Variants in TNRC18 observed in about 807,000 individuals in gnomAD.
TNRC18 encodes the protein trinucleotide repeat containing 18.
In TNRC18, 69 loss-of-function variants were observed where a neutral mutation model predicts 226.7. The ratio of observed to expected loss-of-function variants is 0.30; its 90% CI spans 0.25 to 0.37. The LOEUF (loss-of-function observed/expected upper bound fraction) is 0.37, where lower values mean the gene tolerates loss of function less well. TNRC18 is among the 10% of genes least tolerant of loss of function. TNRC18 has a pLI of 1.00. For synonymous variants in TNRC18, 2,449 were observed against 1,927.6 expected (o/e 1.27, Z -7.09); for missense variants, 4,754 against 4,256.6 (o/e 1.12, Z -3.25).
In TNRC18 at chr7:5,324,745, G is replaced by A. The variant is rs558043945; in HGVS notation, c.6300+351C>T. 2.6e-5 allele frequency among the ~76,000 whole-genome samples: 4 copies of A among 152,304 alleles called. No individual in the cohort carries two copies. The highest frequency in any genetic ancestry group is 2.1e-4 in the South Asian group (1 of 4,826). On this transcript the variant is annotated intron_variant, in intron 20 of 29. Transcript: ENST00000430969. The surrounding 1 kb of genome is among the most constrained non-coding windows in gnomAD (Gnocchi z 4.8). ...ACCACTCGGGCAGGGGCTAGCAGGT[G>A]TGGGGAGTGGACATGCCATCATCTG...
chr7:5,345,464 C>A, intron 18 of TNRC18, 98 bp downstream of exon 18: 1 of 1,229,354 alleles, frequency 8.1e-7, no homozygotes, highest in Non-Finnish European at 1.1e-6. Context: ...CAGCTCTGCA[C>A]CTGCATCTCT....
At chr7:5,391,381 G>A (rs145911678) in intron 3 of TNRC18, among the ~76,000 whole-genome samples, 26,430 of 151,416 alleles carry the variant, frequency 0.17, 3,870 homozygotes, top group African/African-American at 0.4. Context: ...GCAGGATCTC[G>A]GTTCACTGCA....
chr7:5,361,274 GC>G (rs1793012822), intron 14 of TNRC18, among the ~76,000 whole-genome samples: 1 of 152,216 alleles, frequency 6.6e-6, no homozygotes, highest in South Asian at 2.1e-4. Context: ...GGGTCCTTCC[GC>G]AGGGAGGAGG....
chr7:5,385,420 G>A (rs1207530838), intron 5 of TNRC18, among the ~76,000 whole-genome samples: 5 of 150,478 alleles, frequency 3.3e-5, no homozygotes, highest in Non-Finnish European at 5.9e-5. Context: ...CCCGGGAAGC[G>A]GAGCTTGCAG....
chr7:5,344,469 G>A (rs1401183582), intron 18 of TNRC18, among the ~76,000 whole-genome samples: 3 of 152,144 alleles, frequency 2.0e-5, no homozygotes, highest in Non-Finnish European at 4.4e-5. Context: ...GCATGAGAGC[G>A]AGGAGGGGGA....
intron 2 of TNRC18, among the ~76,000 whole-genome samples, chr7:5,402,986 C>T (rs1042286003): frequency 6.6e-6 from 1 of 152,000 alleles, no homozygotes; most frequent in African/African-American, 2.4e-5. Flanking sequence ...CTCCTGTCAA[C>T]GGGGAGAGGG....
rs1028454910 is a variant in TNRC18 at position 5,421,140 on chromosome 7, C to T, written c.107G>A (p.Gly36Glu). 7.0e-7 allele frequency: 1 copy of T among 1,436,040 alleles called. No individual in the cohort carries two copies. Among genetic ancestry groups the T allele is most frequent in the Admixed American group, 2.8e-5 (1 of 35,330 alleles). The allele number at this position is 1,436,040 out of a possible 1,614,324, so 89.0% of individuals were successfully genotyped here. Residue 36 changes from glycine to glutamate, a missense_variant, in exon 2 of 30, where the codon GGA becomes GAA. Transcript: ENST00000430969. ...GGGCAAGCCCGAGGCGGGCAAGCGT[C>T]CGGCAGTGGCCGCGCCCACGCGGTG... Reference protein sequence around the residue: ...DSHRVGAATAGRLPASGLPGP... With the variant: ...DSHRVGAATAERLPASGLPGP...
chr7:5,377,115 C>T lies in TNRC18; in HGVS notation c.2462-122G>A. 1.4e-6 allele frequency: 2 copies of T among 1,398,338 alleles called. No individual in the cohort carries two copies. The highest frequency in any genetic ancestry group is 1.9e-6 in the Non-Finnish European group (2 of 1,039,750). 86.6% of individuals were successfully genotyped at this position (1,398,338 alleles called of 1,614,324 possible). ...CCTCCTGGGGCCTCCAGTGGGGAAG[C>T]CAAGGGACAGGGGTGCTGGCTGGCT... On this transcript the variant is annotated intron_variant, in intron 7 of 29. Coordinates refer to ENST00000430969, the MANE Select transcript of TNRC18 (RefSeq NM_001080495.3). The surrounding 1 kb of genome is among the most constrained non-coding windows in gnomAD (Gnocchi z 5.8).
intron 18 of TNRC18, 46 bp downstream of exon 18, chr7:5,345,516 C>CGGGGGGGGTG: frequency 2.8e-6 from 1 of 354,368 alleles, no homozygotes; most frequent in Non-Finnish European, 5.2e-6. Context: ...CAATGGCGTC[C>CGGGGGGGGTG]GCCCCTCCCA....
rs1436888054 is a variant in TNRC18, at chr7:5,376,918, G to A, written c.2537C>T (p.Ala846Val). Residue 846 changes from alanine (A) to valine (V), a missense_variant, in exon 8 of 30, where the codon GCC (alanine) becomes GTC (valine). Ala to Val is a moderately conservative substitution (Grantham distance 64). Transcript: ENST00000430969. The stretch of plus-strand genomic sequence containing the variant: ...TTGGGGGTCCCTGACAAACTGGTAG[G>A]CTGACGGGAGGGAGCCCCCCAGGCC... ...PPGLGGSLPSAYQFVRDPQSG... is the reference protein window; with the variant it reads ...PPGLGGSLPSVYQFVRDPQSG... The A allele has an allele frequency of 1.2e-6, 2 of 1,605,506 alleles. No homozygotes were observed. Among genetic ancestry groups the A allele is most frequent in the Non-Finnish European group, 8.5e-7 (1 of 1,176,178 alleles).
intron 17 of TNRC18, among the ~76,000 whole-genome samples, chr7:5,351,498 G>A (rs1489104129): frequency 6.6e-6 from 1 of 151,264 alleles, no homozygotes; most frequent in Non-Finnish European, 1.5e-5. Context: ...GGGGGAACTC[G>A]GGGGAGGGGG....
intron 9 of TNRC18, among the ~76,000 whole-genome samples, chr7:5,375,569 G>T (rs61302714): frequency 6.6e-6 from 1 of 152,128 alleles, no homozygotes; most frequent in Non-Finnish European, 1.5e-5. Context: ...TACCTGGGCC[G>T]ACTCCTCCAG....
At chr7:5,401,741 G>A (rs375805757) in intron 2 of TNRC18, among the ~76,000 whole-genome samples, 1 of 152,212 alleles carries the variant, frequency 6.6e-6, no homozygotes, top group African/African-American at 2.4e-5. Context: ...GGTATGCTAC[G>A]AGTTATTTTT....
Position 5,423,634 on chromosome 7 carries a change from C to T in TNRC18, c.-437G>A, listed in dbSNP as rs889689511. 7 of 151,710 alleles carry T rather than the reference C, an allele frequency of 4.6e-5. No individual in the cohort carries two copies. The highest frequency in any genetic ancestry group is 1.7e-4 in the African/African-American group (7 of 41,318). The allele number at this position is 151,710 out of a possible 1,614,324, so 9.4% of individuals were successfully genotyped here. On this transcript the variant is annotated 5_prime_UTR_variant, in exon 1 of 30. Coordinates refer to ENST00000430969, the MANE Select transcript of TNRC18 (RefSeq NM_001080495.3). ...AGAAAACCGCTCCCCGGGCCGAGCG[C>T]TCGGCGCGCCAACTCCTCCGCCCTC...
intron 18 of TNRC18, among the ~76,000 whole-genome samples, chr7:5,333,795 A>G (rs1186426802): frequency 6.6e-6 from 1 of 152,156 alleles, no homozygotes; most frequent in East Asian, 1.9e-4. Flanking sequence ...AGTCCTTCAG[A>G]AGGAGACCCA....
rs756465468 is a variant in TNRC18, at chr7:5,377,958, C to T, written c.2219G>A (p.Gly740Glu). 6 of 1,613,662 alleles carry T rather than the reference C, an allele frequency of 3.7e-6. No individual in the cohort carries two copies. The highest frequency in any genetic ancestry group is 5.1e-6 in the Non-Finnish European group (6 of 1,179,828). Residue 740 changes from glycine to glutamate, a missense_variant, in exon 6 of 30, where the codon GGG becomes GAG. Transcript: ENST00000430969. The surrounding 1 kb of genome is among the most constrained non-coding windows in gnomAD (Gnocchi z 5.8). ...RARHREERLL[G>E]ARLDRDQEKL... is the part of the protein sequence containing the mutation. ...CTCCTGATCCCGGTCCAGCCGTGCC[C>T]CGAGCAGCCGTTCCTCCCGGTGTCT...
chr7:5,370,382 C>G lies in TNRC18; in HGVS notation c.4212G>C (p.Glu1404Asp), dbSNP rs200279443. The G allele has an allele frequency of 3.1e-3, 4,786 of 1,545,124 alleles. 34 individuals are homozygous for G. The highest frequency in any genetic ancestry group is 0.016 in the South Asian group (1,377 of 83,976). Residue 1404 changes from glutamate to aspartate, a missense_variant, in exon 11 of 30, where the codon GAG becomes GAC. Glu to Asp is a conservative substitution (Grantham distance 45). Coordinates refer to ENST00000430969, the MANE Select transcript of TNRC18 (RefSeq NM_001080495.3). Reference protein sequence around the residue: ...AELELERRSQEMGGAERALVA... With the variant: ...AELELERRSQDMGGAERALVA... ...GAGGTCGCGCACTCTCACCTCCCAT[C>G]TCTTGGCTCCTCCTCTCCAGCTCCA...
At chr7:5,349,090 G>A (rs994385149) in intron 17 of TNRC18, among the ~76,000 whole-genome samples, 2 of 152,228 alleles carry the variant, frequency 1.3e-5, no homozygotes, top group Admixed American at 1.3e-4. Flanking sequence ...GGGGCTGCGG[G>A]GGGAGGGCGA....
At chr7:5,364,580 G>T (rs562482801) in intron 11 of TNRC18, among the ~76,000 whole-genome samples, 1 of 151,834 alleles carries the variant, frequency 6.6e-6, no homozygotes, top group South Asian at 2.1e-4. Context: ...GAGGCGGGTG[G>T]ATGGCTTGAG....
Sources: allele counts gnomAD v4.1 joint callset (sites outside exome capture counted in the v4.1 genomes callset), GRCh38; gene constraint gnomAD v4.1.1; non-coding constraint Gnocchi (gnomAD v3.1); transcripts MANE v1.5; gene names NCBI Gene and HGNC (gene_info 2026-07-23, HGNC 2026-07-21).